Variants in SPECC1 observed in about 807,000 individuals in gnomAD.
SPECC1 encodes the protein sperm antigen with calponin homology and coiled-coil domains 1.
Under a neutral mutation model 104.1 loss-of-function variants are expected in SPECC1, and 62 were observed. That is an observed-to-expected ratio of 0.60 (90% CI 0.49 to 0.74). The LOEUF (loss-of-function observed/expected upper bound fraction) is 0.74, where lower values mean the gene tolerates loss of function less well. SPECC1 is among the 30% of genes least tolerant of loss of function. SPECC1 has a pLI of 0.00. For missense variants in SPECC1, 1,306 were observed against 1,310.5 expected, an observed-to-expected ratio of 1.00 and a Z score of 0.05; for synonymous variants, 513 against 501.6, an observed-to-expected ratio of 1.02 and a Z score of -0.30.
At chr17:20,307,254 A>G (rs1209157775) in intron 14 of SPECC1, among the ~76,000 whole-genome samples, 2 of 152,240 alleles carry the variant, frequency 1.3e-5, no homozygotes, top group African/African-American at 4.8e-5. Context: ...AAACCATAAA[A>G]ATGTTAATTT....
At position 20,118,115 on chromosome 17, in the gene SPECC1, T is replaced by TA. The variant is rs1555610169; in HGVS notation, c.283+7555dup. On this transcript the variant is annotated intron_variant, in intron 3 of 14. Coordinates refer to ENST00000395527, the MANE Select transcript of SPECC1 (RefSeq NM_001243439.2). Reference sequence around the variant, plus strand: ...GAGACCCTGTCTCACAATAAATAAATAATAAATAAATAAATAAATAAAGCA... The same window carrying TA: ...GAGACCCTGTCTCACAATAAATAAATAAATAAATAAATAAATAAATAAAGCA... Among the ~76,000 whole-genome samples the TA allele has an allele frequency of 4.0e-5, 6 of 150,874 alleles. No individual in the cohort carries two copies. The East Asian group carries it at 5.8e-4, about 15-fold the overall frequency.
chr17:20,214,470 T>G (rs2151395871), intron 4 of SPECC1, among the ~76,000 whole-genome samples: 1 of 152,010 alleles, frequency 6.6e-6, no homozygotes, highest in Middle Eastern at 3.4e-3. Flanking sequence ...AGGGAGTGAG[T>G]TGGGTGGGAA....
intron 1 of SPECC1, among the ~76,000 whole-genome samples, chr17:20,078,299 CAA>C (rs1262282520): frequency 5.3e-5 from 8 of 151,548 alleles, no homozygotes; most frequent in African/African-American, 1.9e-4. Flanking sequence ...ACACATACCA[CAA>C]AGAGTACTAC....
chr17:20,084,385 T>A (rs1254290247), intron 1 of SPECC1, among the ~76,000 whole-genome samples: 1 of 152,112 alleles, frequency 6.6e-6, no homozygotes, highest in Non-Finnish European at 1.5e-5. Flanking sequence ...GCCGAGACTG[T>A]GCCGTTGCCA....
At position 20,287,279 on chromosome 17, in the gene SPECC1, C is replaced by T. The variant is rs543825627; in HGVS notation, c.2941-9682C>T. Among the ~76,000 whole-genome samples the T allele has an allele frequency of 1.7e-4, 26 of 151,894 alleles. No homozygotes were observed. In the South Asian group the frequency reaches 4.4e-3, roughly 25 times the overall value. ...AAAAATACAAAAAATTAGCCGGGCG[C>T]GGTGGCGGGCGCCTGTAGTCCCAGC... On this transcript the variant is annotated intron_variant, in intron 12 of 14. Coordinates refer to ENST00000395527, the MANE Select transcript of SPECC1 (RefSeq NM_001243439.2).
intron 4 of SPECC1, among the ~76,000 whole-genome samples, chr17:20,213,126 C>G (rs2037266297): frequency 6.6e-6 from 1 of 151,946 alleles, no homozygotes; most frequent in South Asian, 2.1e-4. Flanking sequence ...GAGACATGGT[C>G]TTGCTCTGTT....
intron 3 of SPECC1, among the ~76,000 whole-genome samples, chr17:20,127,252 T>C (rs1450081469): frequency 6.6e-6 from 1 of 152,196 alleles, no homozygotes; most frequent in Non-Finnish European, 1.5e-5. Flanking sequence ...CCAGTAACTT[T>C]GTTTCATAGG....
At chr17:20,233,613 A>G (rs2038732255) in intron 7 of SPECC1, among the ~76,000 whole-genome samples, 1 of 152,082 alleles carries the variant, frequency 6.6e-6, no homozygotes, top group Non-Finnish European at 1.5e-5. Flanking sequence ...AGCCCAGGAG[A>G]TTCTTCTGCC....
intron 4 of SPECC1, 27 bp downstream of exon 4, chr17:20,205,939 A>G: frequency 2.5e-6 from 4 of 1,582,150 alleles, no homozygotes; most frequent in South Asian, 1.2e-5. Context: ...CTTTACTGGT[A>G]TTTGCTCATC....
At chr17:20,307,957 A>C (rs2041817505) in intron 14 of SPECC1, among the ~76,000 whole-genome samples, 1 of 152,256 alleles carries the variant, frequency 6.6e-6, no homozygotes, top group South Asian at 2.1e-4. Context: ...ACCAGTAATA[A>C]AAATACAACC....
chr17:20,305,869 TC>T, intron 13 of SPECC1, 153 bp from the exon 14 acceptor site: 2 of 587,320 alleles, frequency 3.4e-6, no homozygotes, highest in Non-Finnish European at 2.8e-6. Flanking sequence ...TTTTTTTTTT[TC>T]TTAAACTGAG....
intron 2 of SPECC1, among the ~76,000 whole-genome samples, chr17:20,097,866 G>A (rs1384476655): frequency 2.0e-5 from 3 of 152,254 alleles, no homozygotes. Flanking sequence ...GTGTAAGATT[G>A]TCATGAGCAT....
At chr17:20,035,864 G>A (rs911560229) in intron 1 of SPECC1, among the ~76,000 whole-genome samples, 24 of 151,594 alleles carry the variant, frequency 1.6e-4, no homozygotes, top group Admixed American at 1.1e-3. Context: ...ACGGAGTCTC[G>A]TTCTCTCACC....
chr17:20,130,133 T>A (rs12936443), intron 3 of SPECC1, among the ~76,000 whole-genome samples: 2 of 152,068 alleles, frequency 1.3e-5, no homozygotes, highest in Non-Finnish European at 2.9e-5. Flanking sequence ...TTAAGTGTGT[T>A]ATTCATTTTT....
chr17:20,089,845 C>T (rs985352744), intron 1 of SPECC1, among the ~76,000 whole-genome samples: 8 of 152,072 alleles, frequency 5.3e-5, no homozygotes, highest in African/African-American at 1.7e-4. Flanking sequence ...GAGAAATGGG[C>T]GCCCTAGAGA....
At chr17:20,155,663 G>C (rs540581468) in intron 3 of SPECC1, 1 of 155,630 alleles carries the variant, frequency 6.4e-6, no homozygotes, top group Non-Finnish European at 1.4e-5. Flanking sequence ...GCTAGTCCTA[G>C]GTTTCTCTTG....
chr17:20,266,366 A>G (rs943343774), intron 12 of SPECC1, among the ~76,000 whole-genome samples: 1 of 151,912 alleles, frequency 6.6e-6, no homozygotes, highest in Non-Finnish European at 1.5e-5. Flanking sequence ...GGTGGATCAC[A>G]AGGTCGGGAG....
At chr17:20,082,684 A>G (rs2047019875) in intron 1 of SPECC1, among the ~76,000 whole-genome samples, 1 of 152,136 alleles carries the variant, frequency 6.6e-6, no homozygotes, top group South Asian at 2.1e-4. Context: ...ATCTTTTCTT[A>G]TATGGACATC....
rs2034015919 is a variant in SPECC1, at chr17:20,170,626, TTCATAAG to T, written c.284-33705_284-33699del. On this transcript the variant is annotated intron_variant, in intron 3 of 14. Coordinates refer to ENST00000395527, the MANE Select transcript of SPECC1 (RefSeq NM_001243439.2). ...ACCATGGTCTCCTTTCCCTCAGTCT[TTCATAAG>T]TATTTGTAAATACTCTTTTACCAAT... Among the ~76,000 whole-genome samples, 4 of 152,180 alleles carry T rather than the reference TTCATAAG, an allele frequency of 2.6e-5. No homozygotes were observed. In the South Asian group the frequency reaches 8.3e-4, roughly 31 times the overall value.
Sources: gnomAD v4.1 joint callset for allele counts (sites outside exome capture counted in the v4.1 genomes callset) on GRCh38, gnomAD v4.1.1 for gene constraint, MANE v1.5 for transcripts, NCBI Gene and HGNC (gene_info 2026-07-23, HGNC 2026-07-21) for gene names.